Variants in TSPAN4 observed in about 807,000 individuals in gnomAD.
TSPAN4 encodes tetraspanin-4.
A neutral mutation model predicts 31.5 loss-of-function variants in TSPAN4; 38 were observed. The ratio of observed to expected loss-of-function variants is 1.21; its 90% CI spans 0.93 to 1.58. The LOEUF is 1.58. TSPAN4 is among the 40% of genes most tolerant of loss of function. The pLI is 0.00. For missense variants in TSPAN4, 330 were observed against 317.3 expected (o/e 1.04, Z -0.30); for synonymous variants, 186 against 144.6 (o/e 1.29, Z -2.06).
chr11:842,880 G>C lies in TSPAN4; in HGVS notation c.-153G>C, dbSNP rs1847046193. On this transcript the variant is annotated 5_prime_UTR_variant, in exon 1 of 9. Coordinates refer to ENST00000397397, the MANE Select transcript of TSPAN4 (RefSeq NM_003271.5). Reference sequence around the variant, plus strand: ...TCCGCTTGACTGACAGCTGCGCGGCGGGAGCGGGCGGCGCGAGCGGGAGGC... The same window carrying C: ...TCCGCTTGACTGACAGCTGCGCGGCCGGAGCGGGCGGCGCGAGCGGGAGGC... 5.9e-6 allele frequency: 1 copy of C among 170,910 alleles called. No homozygotes were observed. Among genetic ancestry groups the C allele is most frequent in the African/African-American group, 2.4e-5 (1 of 42,092 alleles). The allele number at this position is 170,910 out of a possible 1,614,324, so 10.6% of individuals were successfully genotyped here.
intron 4 of TSPAN4, 67 bp from the exon 5 acceptor site, chr11:864,370 C>T: frequency 1.3e-6 from 2 of 1,594,888 alleles, no homozygotes; most frequent in South Asian, 2.2e-5. Flanking sequence ...GCCCTGGCCC[C>T]TGGCATGCTG....
intron 1 of TSPAN4, among the ~76,000 whole-genome samples, chr11:846,129 G>A (rs1847311013): frequency 1.3e-5 from 2 of 152,190 alleles, no homozygotes; most frequent in Non-Finnish European, 2.9e-5. Context: ...GCTTGGCTCT[G>A]CTGTCTGTCC....
chr11:857,525 C>T (rs1254274093), intron 3 of TSPAN4: 1 of 151,838 alleles, frequency 6.6e-6, no homozygotes, highest in Non-Finnish European at 1.5e-5. Flanking sequence ...GCCTCAGCCT[C>T]CTGAGTAGCT....
At position 847,183 on chromosome 11, in the gene TSPAN4, C is replaced by G. The variant is rs1427072911; in HGVS notation, c.-117-18C>G. On this transcript the variant is annotated intron_variant, in intron 1 of 8. Coordinates refer to ENST00000397397, the MANE Select transcript of TSPAN4 (RefSeq NM_003271.5). The stretch of plus-strand genomic sequence containing the variant: ...GGTGGAAGCCAGGGCTCCACTCTGC[C>G]CATCTTTCCTTTTGCAGAGCTTGGG... 6.6e-6 allele frequency: 1 copy of G among 152,256 alleles called. No individual in the cohort carries two copies. Among genetic ancestry groups the G allele is most frequent in the African/African-American group, 2.4e-5 (1 of 41,442 alleles). 9.4% of individuals were successfully genotyped at this position (152,256 alleles called of 1,614,324 possible). A position where few individuals can be genotyped will look rare whatever the true frequency, so the allele number is the denominator to read the frequency against.
chr11:860,336 CT>C (rs779565658), intron 3 of TSPAN4, among the ~76,000 whole-genome samples: 12 of 152,222 alleles, frequency 7.9e-5, no homozygotes, highest in Non-Finnish European at 1.8e-4. Context: ...CATGCTGGCC[CT>C]TGGGCAGGGA....
intron 3 of TSPAN4, chr11:857,671 GGGA>G (rs1323921498): frequency 1.3e-5 from 2 of 152,272 alleles, no homozygotes; most frequent in African/African-American, 4.8e-5. Flanking sequence ...CCAAAGTGCT[GGGA>G]TTACAGGTGT....
chr11:853,106 G>A lies in TSPAN4; in HGVS notation c.63+2739G>A, dbSNP rs546281407. Among the ~76,000 whole-genome samples the A allele has an allele frequency of 2.6e-5, 4 of 152,188 alleles. No homozygotes were observed. The South Asian group carries it at 8.3e-4, about 32-fold the overall frequency. On this transcript the variant is annotated intron_variant, in intron 3 of 8. Coordinates refer to ENST00000397397, the MANE Select transcript of TSPAN4 (RefSeq NM_003271.5). ...CCTGTAAGTGGTACAGGTGCGGCCA[G>A]GGCACTGGGAGGGGTTGGGGGGCTG...
Position 862,605 on chromosome 11 carries a change from G to A in TSPAN4, c.119G>A (p.Ser40Asn). 4 of 1,612,966 alleles carry A rather than the reference G, an allele frequency of 2.5e-6. No homozygotes were observed. The highest frequency in any genetic ancestry group is 3.4e-6 in the Non-Finnish European group (4 of 1,179,772). Residue 40 changes from serine to asparagine, a missense_variant, in exon 4 of 9, where the codon AGC becomes AAC. Ser to Asn is a conservative substitution (Grantham distance 46, BLOSUM62 1). Coordinates refer to ENST00000397397, the MANE Select transcript of TSPAN4 (RefSeq NM_003271.5). ...VGIWLAATQGSFATLSSSFPS... is the reference protein window; with the variant it reads ...VGIWLAATQGNFATLSSSFPS... ...ATCTGGCTGGCCGCCACACAGGGGA[G>A]CTTCGCCACGCTGTCCTCTTCCTTC...
intron 1 of TSPAN4, among the ~76,000 whole-genome samples, chr11:846,095 G>A (rs1847308377): frequency 6.6e-6 from 1 of 152,124 alleles, no homozygotes; most frequent in South Asian, 2.1e-4. Flanking sequence ...AGAGCCCGTG[G>A]GCCTGGGGGG....
chr11:864,826 TG>T (rs1848676443), intron 5 of TSPAN4: 1 of 505,614 alleles, frequency 2.0e-6, no homozygotes, highest in African/African-American at 1.9e-5. Context: ...CCGCGCACCG[TG>T]GGGTTCTCCT....
intron 2 of TSPAN4, among the ~76,000 whole-genome samples, chr11:849,632 G>C (rs563431765): frequency 4.0e-5 from 6 of 151,806 alleles, no homozygotes; most frequent in South Asian, 2.1e-4. Flanking sequence ...GCGCGAAGGT[G>C]GGGGGGCTGG....
intron 2 of TSPAN4, chr11:849,051 C>T: frequency 1.0e-5 from 6 of 593,814 alleles, no homozygotes; most frequent in South Asian, 2.0e-5. Flanking sequence ...AATTTCAAGA[C>T]GGGAACAGCA....
At chr11:861,830 G>C (rs948498389) in intron 3 of TSPAN4, among the ~76,000 whole-genome samples, 1 of 152,212 alleles carries the variant, frequency 6.6e-6, no homozygotes, top group Non-Finnish European at 1.5e-5. Context: ...TGAGGCAGGA[G>C]AATCACTTGA....
At chr11:866,104 G>T in intron 8 of TSPAN4, 103 bp downstream of exon 8, 1 of 1,252,308 alleles carries the variant, frequency 8.0e-7, no homozygotes, top group Non-Finnish European at 1.1e-6. Flanking sequence ...ACCCACGATC[G>T]GGGGAGGCCG....
chr11:861,706 G>T (rs1388255599), intron 3 of TSPAN4, among the ~76,000 whole-genome samples: 1 of 150,478 alleles, frequency 6.6e-6, no homozygotes, highest in Non-Finnish European at 1.5e-5. Flanking sequence ...TGCGAGACTC[G>T]GTATCAAAAA....
At chr11:861,483 T>C (rs568636609) in intron 3 of TSPAN4, among the ~76,000 whole-genome samples, 10 of 151,834 alleles carry the variant, frequency 6.6e-5, no homozygotes, top group South Asian at 2.1e-4. Context: ...GAGGTCGAGG[T>C]GGGTGGATCA....
At chr11:854,652 C>T (rs1214132737) in intron 3 of TSPAN4, among the ~76,000 whole-genome samples, 9 of 152,220 alleles carry the variant, frequency 5.9e-5, no homozygotes, top group African/African-American at 1.4e-4. Flanking sequence ...AGCCTCACTG[C>T]CCACTCTCTG....
intron 3 of TSPAN4, among the ~76,000 whole-genome samples, chr11:850,610 C>T (rs867415424): frequency 0.012 from 1,870 of 152,138 alleles, 33 homozygotes; most frequent in African/African-American, 0.042. Flanking sequence ...CGCCCTGGTC[C>T]CCTCTCCTCT....
chr11:848,250 T>C lies in TSPAN4; in HGVS notation c.-18+950T>C, dbSNP rs894503923. Among the ~76,000 whole-genome samples the C allele has an allele frequency of 1.3e-5, 2 of 152,026 alleles. No homozygotes were observed. Among genetic ancestry groups the C allele is most frequent in the Admixed American group, 1.3e-4 (2 of 15,286 alleles). On this transcript the variant is annotated intron_variant, in intron 2 of 8. Coordinates refer to ENST00000397397, the MANE Select transcript of TSPAN4 (RefSeq NM_003271.5). This position sits in a 1 kb window ranked among gnomAD's most constrained non-coding sequence, Gnocchi z 5.7. Reference sequence around the variant, plus strand: ...GGGGTCTCTGCTGGGCCCCGATGCGTGGCCGCCGTTCTGACCCATTCCTGG... The same window carrying C: ...GGGGTCTCTGCTGGGCCCCGATGCGCGGCCGCCGTTCTGACCCATTCCTGG...
Sources: gnomAD v4.1 joint callset for allele counts (sites outside exome capture counted in the v4.1 genomes callset) on GRCh38, gnomAD v4.1.1 for gene constraint, Gnocchi (gnomAD v3.1) non-coding constraint, MANE v1.5 for transcripts, NCBI Gene and HGNC (gene_info 2026-07-23, HGNC 2026-07-21) for gene names.